VWA8: variants seen among roughly 807,000 people sequenced by gnomAD.
VWA8 encodes von Willebrand factor A domain containing 8.
In VWA8, 221 loss-of-function variants were observed where a neutral mutation model predicts 241.5. The ratio of observed to expected loss-of-function variants is 0.91; its 90% confidence interval spans 0.82 to 1.02. The LOEUF (loss-of-function observed/expected upper bound fraction) is 1.02. Among genes scored for constraint, VWA8 ranks in the 50% least tolerant of loss-of-function variants. The pLI is 0.00. For missense variants in VWA8, 2,322 were observed against 2,328.7 expected (o/e 1.00, Z 0.06); for synonymous variants, 852 against 827.1 (o/e 1.03, Z -0.52).
intron 42 of VWA8, among the ~76,000 whole-genome samples, chr13:41,582,318 T>A (rs1292543335): frequency 6.6e-6 from 1 of 152,158 alleles, no homozygotes; most frequent in Non-Finnish European, 1.5e-5. Flanking sequence ...TAGACTGTAA[T>A]GACCCACGGC....
chr13:41,663,287 C>T (rs1196663528), intron 37 of VWA8, among the ~76,000 whole-genome samples: 1 of 152,114 alleles, frequency 6.6e-6, no homozygotes, highest in Non-Finnish European at 1.5e-5. Flanking sequence ...ATCTCTACTT[C>T]TGAGGAATTG....
rs1246763339 is a variant in VWA8 at position 41,818,567 on chromosome 13, A to AAAT, written c.1869+648_1869+650dup. 5.3e-5 allele frequency among the ~76,000 whole-genome samples: 8 copies of AAAT among 151,916 alleles called. No individual in the cohort carries two copies. In the South Asian group the frequency reaches 6.2e-4, roughly 12 times the overall value. On this transcript the variant is annotated intron_variant, in intron 15 of 44. Transcript: ENST00000379310. ...AATAGAGCAAGACTTAGTTTCAAAC[A>AAAT]AATAATAATAATAATAGTAATAATT...
intron 2 of VWA8, among the ~76,000 whole-genome samples, chr13:41,947,920 A>G (rs1593890400): frequency 3.2e-5 from 4 of 123,762 alleles, no homozygotes. Context: ...CCACAAAGTG[A>G]GACCCTGTCT....
At chr13:41,784,713 T>TATATATATACACACACACAC (rs1175783567) in intron 18 of VWA8, among the ~76,000 whole-genome samples, 1 of 70,702 alleles carries the variant, frequency 1.4e-5, no homozygotes, top group African/African-American at 4.3e-5. Flanking sequence ...TATATATATA[T>TATATATATACACACACACAC]ATATATATAT....
chr13:41,918,185 CAAAAGA>C (rs1876348364), intron 2 of VWA8, among the ~76,000 whole-genome samples: 1 of 152,018 alleles, frequency 6.6e-6, no homozygotes, highest in African/African-American at 2.4e-5. Context: ...TTGAAGACAT[CAAAAGA>C]AAAATACATA....
intron 2 of VWA8, among the ~76,000 whole-genome samples, chr13:41,941,461 A>G (rs574728488): frequency 9.8e-5 from 15 of 152,296 alleles, no homozygotes; most frequent in Admixed American, 4.6e-4. Flanking sequence ...AACACAGTAT[A>G]TTTGATCTCT....
At chr13:41,699,298 G>A (rs2045235258) in intron 28 of VWA8, 28 bp from the exon 29 acceptor site, 2 of 1,610,846 alleles carry the variant, frequency 1.2e-6, no homozygotes, top group African/African-American at 1.3e-5. Flanking sequence ...TGTTAATTTT[G>A]TGGCTGGCAA....
intron 12 of VWA8, among the ~76,000 whole-genome samples, chr13:41,854,236 T>A (rs1392608823): frequency 1.3e-5 from 2 of 152,128 alleles, no homozygotes; most frequent in Non-Finnish European, 2.9e-5. Flanking sequence ...TACCTTTGGT[T>A]AAAATTTTAA....
intron 35 of VWA8, among the ~76,000 whole-genome samples, chr13:41,679,880 C>G (rs1194008975): frequency 2.6e-5 from 4 of 151,160 alleles, no homozygotes; most frequent in African/African-American, 9.8e-5. Flanking sequence ...TTTCCTGCCC[C>G]CTAGAGACAC....
At chr13:41,664,389 A>ATGTGTG (rs3073033) in intron 37 of VWA8, among the ~76,000 whole-genome samples, 4,697 of 137,902 alleles carry the variant, frequency 0.034, 184 homozygotes, top group African/African-American at 0.093. Flanking sequence ...ACATGCTTTG[A>ATGTGTG]TGTGTGTGTG....
chr13:41,691,846 T>C (rs774753089), intron 31 of VWA8, 28 bp downstream of exon 31: 2 of 1,556,132 alleles, frequency 1.3e-6, no homozygotes, highest in East Asian at 2.3e-5. Context: ...AGAACTCCAG[T>C]TTAAATCCTC....
intron 12 of VWA8, among the ~76,000 whole-genome samples, chr13:41,863,870 A>G (rs1873161031): frequency 6.6e-6 from 1 of 152,120 alleles, no homozygotes; most frequent in Non-Finnish European, 1.5e-5. Flanking sequence ...TGCCTGGGTG[A>G]CGGAATCATT....
chr13:41,710,010 G>T (rs1006172497), intron 26 of VWA8, among the ~76,000 whole-genome samples: 1 of 151,978 alleles, frequency 6.6e-6, no homozygotes, highest in African/African-American at 2.4e-5. Context: ...GGCAGATAAT[G>T]AGTCTTCGTC....
intron 21 of VWA8, among the ~76,000 whole-genome samples, chr13:41,739,986 C>G (rs1172167252): frequency 2.6e-5 from 4 of 151,488 alleles, no homozygotes; most frequent in Non-Finnish European, 5.9e-5. Context: ...TCCCGAGTTG[C>G]TGGGACTACA....
At chr13:41,707,434 T>C (rs185797814) in intron 26 of VWA8, among the ~76,000 whole-genome samples, 7 of 152,308 alleles carry the variant, frequency 4.6e-5, no homozygotes, top group African/African-American at 1.7e-4. Flanking sequence ...CCGAAAACAT[T>C]TCCTTACCAC....
rs2044684412 is a variant in VWA8, at chr13:41,625,548, G to T, written c.4612-10464C>A. Among the ~76,000 whole-genome samples the T allele has an allele frequency of 3.3e-5, 5 of 152,210 alleles. No homozygotes were observed. In the South Asian group the frequency reaches 8.3e-4, roughly 25 times the overall value. On this transcript the variant is annotated intron_variant, in intron 37 of 44. Transcript: ENST00000379310. ...CACAATGAGATACCATCTCACACCA[G>T]TTAGAATGGCAATCATTAAAAAGTC... is the stretch of plus-strand genomic sequence containing the variant.
At chr13:41,762,269 G>A (rs9315864) in intron 20 of VWA8, among the ~76,000 whole-genome samples, 2,249 of 152,194 alleles carry the variant, frequency 0.015, 51 homozygotes, top group African/African-American at 0.051. Context: ...AGGCTGTAGG[G>A]TAAGTATTTT....
intron 39 of VWA8, among the ~76,000 whole-genome samples, chr13:41,610,046 C>T (rs542863618): frequency 1.4e-3 from 207 of 152,290 alleles, no homozygotes; most frequent in African/African-American, 4.2e-3. Context: ...TTCTGCCTCC[C>T]TGTGAACTAT....
At chr13:41,753,846 A>G (rs541075944) in intron 21 of VWA8, among the ~76,000 whole-genome samples, 1 of 152,180 alleles carries the variant, frequency 6.6e-6, no homozygotes, top group Admixed American at 6.5e-5. Flanking sequence ...TAAAATAAAC[A>G]AAGTAAAGAT....
Sources: gnomAD v4.1 joint callset for allele counts (sites outside exome capture counted in the v4.1 genomes callset) on GRCh38, gnomAD v4.1.1 for gene constraint, MANE v1.5 for transcripts, NCBI Gene and HGNC (gene_info 2026-07-23, HGNC 2026-07-21) for gene names.